The following CSMD2 variants were observed in gnomAD, a reference collection of about 807,000 sequenced individuals.
The protein encoded by CSMD2 is CUB and Sushi multiple domains 2.
CSMD2 carries 130 observed loss-of-function variants against 398.5 expected under a neutral mutation model. The observed-to-expected ratio is 0.33, with a 90% CI of 0.28 to 0.38. The LOEUF (loss-of-function observed/expected upper bound fraction) is 0.38, where lower values mean the gene tolerates loss of function less well. CSMD2 is among the 10% of genes least tolerant of loss of function. CSMD2 has a pLI of 1.00. For missense variants in CSMD2, 3,829 were observed against 4,764.9 expected (o/e 0.80, Z 5.78); for synonymous variants, 1,828 against 1,908.5 (o/e 0.96, Z 1.10).
At chr1:34,018,390 T>C (rs1286452317) in intron 3 of CSMD2, among the ~76,000 whole-genome samples, 2 of 152,252 alleles carry the variant, frequency 1.3e-5, no homozygotes, top group African/African-American at 4.8e-5. Flanking sequence ...TGTTGAATTA[T>C]TTCCTTAGGA....
rs1640744514 is a variant in CSMD2 at position 33,608,034 on chromosome 1, A to T, written c.6344-2564T>A. On this transcript the variant is annotated intron_variant, in intron 41 of 70. Transcript: ENST00000373381. ...AGACAGGCCCATCCCAGGGAGGGAC[A>T]CTAGTCCCGAATGTTGGCTTGTCGT... Among the ~76,000 whole-genome samples the T allele has an allele frequency of 1.3e-5, 2 of 152,288 alleles. 1 individual carries two copies. The highest frequency in any genetic ancestry group is 4.1e-4 in the South Asian group (2 of 4,822).
intron 1 of CSMD2, among the ~76,000 whole-genome samples, chr1:34,108,407 CTCTA>C (rs1660732129): frequency 6.6e-6 from 1 of 152,160 alleles, no homozygotes; most frequent in Non-Finnish European, 1.5e-5. Flanking sequence ...GCCCCTGCCC[CTCTA>C]TCTATGGAAT....
chr1:33,801,222 C>T lies in CSMD2; in HGVS notation c.1447-8696G>A, dbSNP rs558867930. 7.2e-5 allele frequency among the ~76,000 whole-genome samples: 11 copies of T among 152,280 alleles called. 1 individual carries two copies. Among genetic ancestry groups the T allele is most frequent in the Admixed American group, 2.6e-4 (4 of 15,294 alleles). On this transcript the variant is annotated intron_variant, in intron 10 of 70. Transcript: ENST00000373381. ...CTCACTCTCCATCTCTCTTCTGTCT[C>T]GCTTTTCATTCTTTTCTAGCAAAGG...
chr1:33,845,845 G>C (rs529143799), intron 6 of CSMD2, among the ~76,000 whole-genome samples: 1 of 152,354 alleles, frequency 6.6e-6, no homozygotes, highest in South Asian at 2.1e-4. Context: ...CCTGGCCCTA[G>C]GAGCCTTGTG....
chr1:34,161,894 C>T (rs536926874), intron 1 of CSMD2, among the ~76,000 whole-genome samples: 80 of 152,114 alleles, frequency 5.3e-4, no homozygotes, highest in African/African-American at 1.9e-3. Flanking sequence ...GGAGGGTGGC[C>T]AGGTGCGGTG....
chr1:33,626,605 G>A (rs900141754), intron 32 of CSMD2, 24 bp from the exon 33 acceptor site: 1 of 1,556,042 alleles, frequency 6.4e-7, no homozygotes, highest in Non-Finnish European at 8.7e-7. Context: ...GGGCAAGGAG[G>A]AGAGAACAGT....
rs188294475 is a variant in CSMD2 at position 33,906,724 on chromosome 1, T to A, written c.920+11370A>T. 2.6e-5 allele frequency among the ~76,000 whole-genome samples: 4 copies of A among 152,246 alleles called. No homozygotes were observed. In the East Asian group the frequency reaches 7.7e-4, roughly 29 times the overall value. On this transcript the variant is annotated intron_variant, in intron 5 of 70. Coordinates refer to ENST00000373381, the MANE Select transcript of CSMD2 (RefSeq NM_001281956.2). Reference sequence around the variant, plus strand: ...TTGGTGGTCCATCAAAGTGGAGATGTCCATCAGGTAGCTGGCTCTACAGTT... The same window carrying A: ...TTGGTGGTCCATCAAAGTGGAGATGACCATCAGGTAGCTGGCTCTACAGTT...
intron 1 of CSMD2, among the ~76,000 whole-genome samples, chr1:34,102,305 C>T (rs1009848713): frequency 1.3e-5 from 2 of 152,224 alleles, no homozygotes; most frequent in Non-Finnish European, 2.9e-5. Context: ...GCTGGGATTA[C>T]AGGCGTGAGC....
Position 34,087,907 on chromosome 1 carries a change from C to T in CSMD2, c.404+1070G>A, listed in dbSNP as rs1005912748. Among the ~76,000 whole-genome samples, 3 of 152,170 alleles carry T rather than the reference C, an allele frequency of 2.0e-5. No individual in the cohort carries two copies. In the South Asian group the frequency reaches 6.2e-4, roughly 32 times the overall value. ...TTTACCAATGTTTCACAGAACCCTG[C>T]TGAACCTCAAGGGAAGATGATTAGC... is the stretch of plus-strand genomic sequence containing the variant. On this transcript the variant is annotated intron_variant, in intron 2 of 70. Transcript: ENST00000373381.
At chr1:33,641,093 G>A (rs190957565) in intron 29 of CSMD2, among the ~76,000 whole-genome samples, 198 of 152,294 alleles carry the variant, frequency 1.3e-3, no homozygotes, top group Admixed American at 2.8e-3. Flanking sequence ...TTAGGGCTCT[G>A]TCTAAATGGA....
chr1:33,712,926 T>C (rs1310808867), intron 21 of CSMD2, among the ~76,000 whole-genome samples: 1 of 152,260 alleles, frequency 6.6e-6, no homozygotes, highest in Non-Finnish European at 1.5e-5. Flanking sequence ...TGGAATTCTG[T>C]AGCTCTTTGT....
At chr1:33,752,417 C>T (rs762645829) in intron 13 of CSMD2, among the ~76,000 whole-genome samples, 2 of 152,152 alleles carry the variant, frequency 1.3e-5, no homozygotes, top group African/African-American at 4.8e-5. Context: ...TACGCTGGCT[C>T]CGTTTTGCCT....
intron 22 of CSMD2, among the ~76,000 whole-genome samples, chr1:33,703,113 A>G (rs950357876): frequency 5.9e-5 from 9 of 152,298 alleles, no homozygotes; most frequent in African/African-American, 2.2e-4. Context: ...ATATTTAAAT[A>G]ATTAGTAGGA....
intron 3 of CSMD2, among the ~76,000 whole-genome samples, chr1:33,978,826 C>T (rs1646061443): frequency 6.6e-6 from 1 of 152,206 alleles, no homozygotes; most frequent in Non-Finnish European, 1.5e-5. Flanking sequence ...TATTGCATGT[C>T]TATGATATTC....
intron 2 of CSMD2, among the ~76,000 whole-genome samples, chr1:34,049,158 A>C (rs1652882690): frequency 6.6e-6 from 1 of 152,202 alleles, no homozygotes; most frequent in Non-Finnish European, 1.5e-5. Flanking sequence ...GTGGAGGGTC[A>C]ACCTGAATTA....
At chr1:33,855,460 G>A (rs2125099824) in intron 5 of CSMD2, among the ~76,000 whole-genome samples, 1 of 152,254 alleles carries the variant, frequency 6.6e-6, no homozygotes, top group Admixed American at 6.5e-5. Flanking sequence ...TTTCCCAGGG[G>A]AGATTTGGGA....
At position 33,779,762 on chromosome 1, in the gene CSMD2, G is replaced by A. The variant is rs1342856185; in HGVS notation, c.1664-7011C>T. ...CATTTCTGTTGTTATAGCAACGGGT[G>A]CTGCAATTTTGGGCGTGTGTTTCCC... On this transcript the variant is annotated intron_variant, in intron 12 of 70. Coordinates refer to ENST00000373381, the MANE Select transcript of CSMD2 (RefSeq NM_001281956.2). 2.6e-5 allele frequency among the ~76,000 whole-genome samples: 4 copies of A among 152,208 alleles called. No homozygotes were observed. The East Asian group carries it at 7.7e-4, about 29-fold the overall frequency.
At chr1:33,578,913 G>A (rs1162765820) in intron 48 of CSMD2, among the ~76,000 whole-genome samples, 1 of 152,188 alleles carries the variant, frequency 6.6e-6, no homozygotes, top group Admixed American at 6.5e-5. Flanking sequence ...CTCCTGCTTT[G>A]CCCGCTGTGT....
chr1:34,052,495 CTGTGTGTGTG>C lies in CSMD2; in HGVS notation c.405-19799_405-19790del, dbSNP rs143571706. Among the ~76,000 whole-genome samples, 243 of 134,170 alleles carry C rather than the reference CTGTGTGTGTG, an allele frequency of 1.8e-3. 5 individuals carry two copies. In the East Asian group the frequency reaches 0.046, roughly 25 times the overall value. 88.0% of individuals were successfully genotyped at this position (134,170 alleles called of 152,430 possible). Reference sequence around the variant, plus strand: ...GAGAAATCAATCCCCTATGGGACAACTGTGTGTGTGTGTGTGTGTGTGTGTGTGTGTGTGT... The same window carrying C: ...GAGAAATCAATCCCCTATGGGACAACTGTGTGTGTGTGTGTGTGTGTGTGT... On this transcript the variant is annotated intron_variant, in intron 2 of 70. Transcript: ENST00000373381.
Sources: gnomAD v4.1 joint callset for allele counts (sites outside exome capture counted in the v4.1 genomes callset) on GRCh38, gnomAD v4.1.1 for gene constraint, MANE v1.5 for transcripts, NCBI Gene and HGNC (gene_info 2026-07-23, HGNC 2026-07-21) for gene names.